RASAL2: variants seen among roughly 807,000 people sequenced by gnomAD.
RASAL2 encodes ras GTPase-activating protein nGAP.
A neutral mutation model predicts 128.9 loss-of-function variants in RASAL2; 58 were observed. That is an observed-to-expected ratio of 0.45 (90% CI 0.36 to 0.56). RASAL2 has a LOEUF of 0.56. Ranked by LOEUF, RASAL2 falls within the 20% of genes least tolerant of loss-of-function variation. RASAL2 has a pLI of 0.00. For missense variants in RASAL2, 1,360 were observed against 1,601.6 expected (o/e 0.85, Z 2.57); for synonymous variants, 561 against 580.8 (o/e 0.97, Z 0.49).
intron 1 of RASAL2, among the ~76,000 whole-genome samples, chr1:178,182,914 C>T (rs749051957): frequency 6.6e-6 from 1 of 152,080 alleles, no homozygotes; most frequent in Non-Finnish European, 1.5e-5. Context: ...GATCGTCAGG[C>T]GTTAAGATTC....
At chr1:178,218,047 G>T (rs535902980) in intron 1 of RASAL2, among the ~76,000 whole-genome samples, 45 of 152,144 alleles carry the variant, frequency 3.0e-4, no homozygotes, top group African/African-American at 1.1e-3. Context: ...TCCATAAGAA[G>T]CAACTCCTCA....
At chr1:178,252,826 G>A (rs1048942919) in intron 1 of RASAL2, among the ~76,000 whole-genome samples, 4 of 152,086 alleles carry the variant, frequency 2.6e-5, no homozygotes, top group African/African-American at 4.8e-5. Context: ...AATCCAGTTC[G>A]TCAGCAATTC....
At chr1:178,461,266 G>A (rs1275041105) in intron 14 of RASAL2, among the ~76,000 whole-genome samples, 1 of 152,166 alleles carries the variant, frequency 6.6e-6, no homozygotes, top group Non-Finnish European at 1.5e-5. Context: ...CCAGAAACTA[G>A]AGGATTTCTT....
intron 3 of RASAL2, among the ~76,000 whole-genome samples, chr1:178,340,779 A>G (rs1278940331): frequency 2.6e-5 from 4 of 152,190 alleles, no homozygotes; most frequent in African/African-American, 4.8e-5. Context: ...TGAACTTTTC[A>G]TTTTAAGACT....
At chr1:178,294,770 CTGCCAG>C (rs1667420614) in intron 2 of RASAL2, among the ~76,000 whole-genome samples, 1 of 152,192 alleles carries the variant, frequency 6.6e-6, no homozygotes, top group Non-Finnish European at 1.5e-5. Context: ...GAGGCCAGGC[CTGCCAG>C]AGTACAATAG....
At chr1:178,424,388 A>T in intron 5 of RASAL2, among the ~76,000 whole-genome samples, 1 of 152,062 alleles carries the variant, frequency 6.6e-6, no homozygotes, top group South Asian at 2.1e-4. Flanking sequence ...GATTGCAGAC[A>T]TAAGCCACTG....
At chr1:178,354,323 G>A (rs1037003782) in intron 3 of RASAL2, among the ~76,000 whole-genome samples, 2 of 152,106 alleles carry the variant, frequency 1.3e-5, no homozygotes, top group Admixed American at 1.3e-4. Context: ...AGAACTCTTA[G>A]CAAAACAACA....
chr1:178,181,027 G>A (rs1243287820), intron 1 of RASAL2, among the ~76,000 whole-genome samples: 1 of 151,998 alleles, frequency 6.6e-6, no homozygotes, highest in Non-Finnish European at 1.5e-5. Flanking sequence ...GGAATCTGTA[G>A]TAATGTCCCC....
Position 178,412,833 on chromosome 1 carries a change from A to T in RASAL2, c.565-7678A>T, listed in dbSNP as rs1057497792. Among the ~76,000 whole-genome samples the T allele has an allele frequency of 4.3e-4, 65 of 152,162 alleles. 1 individual carries two copies. On this transcript the variant is annotated intron_variant, in intron 4 of 17. Transcript: ENST00000367649. ...CATTAATGGGGAGGCCACAATTTTTAAAAATTTTACCTCCTAGAGTCCTAC... is the reference window on the plus strand; with the variant it reads ...CATTAATGGGGAGGCCACAATTTTTTAAAATTTTACCTCCTAGAGTCCTAC...
chr1:178,261,722 C>T (rs1056352402), intron 1 of RASAL2, among the ~76,000 whole-genome samples: 1 of 151,956 alleles, frequency 6.6e-6, no homozygotes, highest in Non-Finnish European at 1.5e-5. Flanking sequence ...AAAGACCAGC[C>T]TGGCCAAGAT....
chr1:178,096,577 C>A (rs575815789), intron 1 of RASAL2, among the ~76,000 whole-genome samples: 140 of 151,688 alleles, frequency 9.2e-4, no homozygotes, highest in African/African-American at 3.4e-3. Context: ...TCAAGAGTGA[C>A]CACGACTTAG....
intron 1 of RASAL2, among the ~76,000 whole-genome samples, chr1:178,133,603 G>T (rs566644906): frequency 5.3e-5 from 8 of 151,648 alleles, no homozygotes; most frequent in African/African-American, 1.9e-4. Context: ...TTGAAAATTT[G>T]TCTGATATGT....
intron 17 of RASAL2, among the ~76,000 whole-genome samples, chr1:178,471,395 T>A (rs1391868023): frequency 6.6e-6 from 1 of 152,100 alleles, no homozygotes; most frequent in Non-Finnish European, 1.5e-5. Flanking sequence ...TTGGTTAAAA[T>A]TTTTTTAATA....
At chr1:178,110,551 T>C (rs1478143437) in intron 1 of RASAL2, among the ~76,000 whole-genome samples, 1 of 145,624 alleles carries the variant, frequency 6.9e-6, no homozygotes, top group African/African-American at 2.5e-5. Flanking sequence ...ATATATACAG[T>C]GTATATATAG....
chr1:178,278,187 G>A (rs1666615625), intron 1 of RASAL2, among the ~76,000 whole-genome samples: 1 of 152,150 alleles, frequency 6.6e-6, no homozygotes, highest in Admixed American at 6.5e-5. Flanking sequence ...GTGAATTTCT[G>A]GTACCTCCAC....
chr1:178,422,213 T>G (rs1265829065), intron 5 of RASAL2, among the ~76,000 whole-genome samples: 1 of 152,034 alleles, frequency 6.6e-6, no homozygotes, highest in Non-Finnish European at 1.5e-5. Context: ...CTATTCCATT[T>G]TGTTTTAGGT....
intron 5 of RASAL2, 113 bp from the exon 6 acceptor site, chr1:178,439,309 A>T: frequency 2.1e-6 from 2 of 935,450 alleles, no homozygotes; most frequent in East Asian, 5.2e-5. Context: ...TTTGTTCCTC[A>T]TTTATTTCTT....
rs555335390 is a variant in RASAL2, at chr1:178,129,540, G to A, written c.202+34846G>A. ...TTTATATGTTTTCTTTTAGTGTGTGGCCTGTTTATTTCTTGATGTCTTTTG... is the reference window on the plus strand; with the variant it reads ...TTTATATGTTTTCTTTTAGTGTGTGACCTGTTTATTTCTTGATGTCTTTTG... On this transcript the variant is annotated intron_variant, in intron 1 of 17. Transcript: ENST00000367649. 1.8e-4 allele frequency among the ~76,000 whole-genome samples: 27 copies of A among 152,002 alleles called. No homozygotes were observed. In the South Asian group the frequency reaches 1.9e-3, roughly 11 times the overall value.
At chr1:178,267,460 T>C (rs1458853633) in intron 1 of RASAL2, among the ~76,000 whole-genome samples, 9 of 151,996 alleles carry the variant, frequency 5.9e-5, no homozygotes, top group African/African-American at 2.2e-4. Flanking sequence ...TTGAATATCA[T>C]TATTATTTTT....
Sources: gnomAD v4.1 joint callset for allele counts (sites outside exome capture counted in the v4.1 genomes callset) on GRCh38, gnomAD v4.1.1 for gene constraint, MANE v1.5 for transcripts, NCBI Gene and HGNC (gene_info 2026-07-23, HGNC 2026-07-21) for gene names.